AEBP2: variants seen among roughly 807,000 people sequenced by gnomAD.
AEBP2 encodes the protein AE binding protein 2.
AEBP2 carries 10 observed loss-of-function variants against 50.8 expected under a neutral mutation model. That is an observed-to-expected ratio of 0.20 (90% CI 0.12 to 0.33). The LOEUF is 0.33. Among genes scored for constraint, AEBP2 ranks in the 10% least tolerant of loss-of-function variants. The probability of loss-of-function intolerance (pLI) is 1.00; values close to 1 mark genes in which losing one functional copy is unlikely to be tolerated. For synonymous variants in AEBP2, 296 were observed against 261.3 expected (o/e 1.13, Z -1.28); for missense variants, 570 against 688.0 (o/e 0.83, Z 1.92).
At chr12:19,464,276 G>C (rs1171267180) in intron 2 of AEBP2, among the ~76,000 whole-genome samples, 1 of 152,116 alleles carries the variant, frequency 6.6e-6, no homozygotes, top group Non-Finnish European at 1.5e-5. Context: ...TGGTTTTCTG[G>C]CTTTTGTAGA....
intron 5 of AEBP2, among the ~76,000 whole-genome samples, chr12:19,501,797 G>GTTTTTTTTTTTTATTTTTTTTTTT (rs1949082800): frequency 1.4e-5 from 1 of 70,870 alleles, no homozygotes; most frequent in Non-Finnish European, 2.7e-5. Context: ...AAATGAGTTT[G>GTTTTTTTTTTTTATTTTTTTTTTT]TTTTTTTTTT....
At chr12:19,420,021 G>GTTTT (rs569003269) in intron 1 of AEBP2, among the ~76,000 whole-genome samples, 2 of 128,872 alleles carry the variant, frequency 1.6e-5, no homozygotes, top group African/African-American at 2.9e-5. Context: ...TGCATTAATA[G>GTTTT]TTTTTTTTTT....
intron 1 of AEBP2, among the ~76,000 whole-genome samples, chr12:19,430,257 G>A (rs7137073): frequency 6.6e-6 from 1 of 152,064 alleles, no homozygotes; most frequent in African/African-American, 2.4e-5. Flanking sequence ...TCTTGTTTTT[G>A]TCAGGTTTGT....
intron 3 of AEBP2, among the ~76,000 whole-genome samples, chr12:19,486,048 T>C (rs1432681903): frequency 3.3e-5 from 5 of 151,892 alleles, no homozygotes; most frequent in South Asian, 2.1e-4. Flanking sequence ...TTGTTTCTTA[T>C]GTTCGTATGC....
chr12:19,408,244 G>A (rs2095737393), intron 1 of AEBP2, among the ~76,000 whole-genome samples: 1 of 152,120 alleles, frequency 6.6e-6, no homozygotes. Flanking sequence ...AAACTGGGCA[G>A]TTGGGAGGCA....
chr12:19,439,186 T>C (rs549452092), upstream of AEBP2, among the ~76,000 whole-genome samples: 30 of 152,336 alleles, frequency 2.0e-4, no homozygotes, highest in African/African-American at 7.0e-4. Flanking sequence ...GCTCGTTCTA[T>C]TCCTGGCTCA....
intron 1 of AEBP2, among the ~76,000 whole-genome samples, chr12:19,429,804 C>T (rs568031314): frequency 5.3e-5 from 8 of 151,580 alleles, no homozygotes; most frequent in East Asian, 1.9e-4. Flanking sequence ...TCATATCCTT[C>T]GCCCACTTGT....
rs967735927 is a variant in AEBP2 at position 19,439,939 on chromosome 12, G to C, written c.240G>C (p.Glu80Asp). 2 of 1,516,340 alleles carry C rather than the reference G, an allele frequency of 1.3e-6. No individual in the cohort carries two copies. Among genetic ancestry groups the C allele is most frequent in the Non-Finnish European group, 1.8e-6 (2 of 1,139,226 alleles). 93.9% of individuals were successfully genotyped at this position (1,516,340 alleles called of 1,614,324 possible). Reference sequence around the variant, plus strand: ...GAGGAGTGGGGGGCGGCGAGGCAGAGACGATGTCGGAGCCGAGCCCCGAGA... The same window carrying C: ...GAGGAGTGGGGGGCGGCGAGGCAGACACGATGTCGGAGCCGAGCCCCGAGA... ...GGGGVGGGEA[E>D]TMSEPSPESA... Residue 80 changes from glutamate to aspartate, a missense_variant, in exon 1 of 8, where the codon GAG becomes GAC. Around this residue, in one of 2 missense-constraint regions of AEBP2, gnomAD observed 386 missense variants for 336.8 expected, o/e 1.15. Transcript: ENST00000266508.
chr12:19,478,318 C>T (rs181279347), intron 3 of AEBP2, among the ~76,000 whole-genome samples: 10 of 151,938 alleles, frequency 6.6e-5, no homozygotes, highest in African/African-American at 1.4e-4. Context: ...TTTTTTGAGA[C>T]AGAGTCTCAC....
intron 1 of AEBP2, among the ~76,000 whole-genome samples, chr12:19,449,179 A>G (rs563734793): frequency 6.6e-6 from 1 of 152,282 alleles, no homozygotes; most frequent in East Asian, 1.9e-4. Flanking sequence ...TTCCTTAGGA[A>G]AGATCTTTTT....
At chr12:19,458,792 T>C (rs1264375768) in intron 1 of AEBP2, among the ~76,000 whole-genome samples, 2 of 152,188 alleles carry the variant, frequency 1.3e-5, no homozygotes, top group African/African-American at 2.4e-5. Flanking sequence ...GCAGTATAGG[T>C]ACAGCATGGT....
At chr12:19,421,375 C>CA (rs1276617045) in intron 1 of AEBP2, among the ~76,000 whole-genome samples, 265 of 120,928 alleles carry the variant, frequency 2.2e-3, no homozygotes, top group Non-Finnish European at 2.7e-3. Flanking sequence ...AAGAAACAAA[C>CA]AAAAAAAAGA....
At chr12:19,445,571 T>C (rs1162695110) in intron 1 of AEBP2, among the ~76,000 whole-genome samples, 1 of 152,166 alleles carries the variant, frequency 6.6e-6, no homozygotes, top group Non-Finnish European at 1.5e-5. Flanking sequence ...ACAAAACCCT[T>C]ACCTCATGAG....
intron 3 of AEBP2, among the ~76,000 whole-genome samples, chr12:19,485,719 A>AAG (rs1175857065): frequency 1.3e-5 from 2 of 151,252 alleles, no homozygotes; most frequent in East Asian, 1.9e-4. Flanking sequence ...AAAAAAAAAA[A>AAG]AAAAAGAAAA....
Position 19,500,145 on chromosome 12 carries a change from A to G in AEBP2, c.1223A>G (p.His408Arg). The G allele has an allele frequency of 1.9e-6, 3 of 1,605,672 alleles. No individual in the cohort carries two copies. The highest frequency in any genetic ancestry group is 2.6e-6 in the Non-Finnish European group (3 of 1,175,928). Residue 408 changes from histidine (H) to arginine (R), a missense_variant, in exon 5 of 8, where the codon CAT (histidine) becomes CGT (arginine). Physicochemically the swap from His to Arg is conservative, Grantham distance 29 (BLOSUM62 0). Around this residue, in one of 2 missense-constraint regions of AEBP2, gnomAD observed 184 missense variants for 351.2 expected, o/e 0.52. Transcript: ENST00000266508. ...GCACAAACACTGGATGCGATAAGACATCGAGCCATATGCTTTAACCTCTCA... is the reference window on the plus strand; with the variant it reads ...GCACAAACACTGGATGCGATAAGACGTCGAGCCATATGCTTTAACCTCTCA... ...FDAQTLDAIR[H>R]RAICFNLSAH...
rs139955654 is a variant in AEBP2, at chr12:19,463,087, G to A, written c.879+370G>A. ...TAGAGGATCCTAAATTATTCCTGAC[G>A]CTTAAATTAACTGGGGAGACTATTG... On this transcript the variant is annotated intron_variant, in intron 2 of 7. Transcript: ENST00000266508. Among the ~76,000 whole-genome samples the A allele has an allele frequency of 8.3e-4, 127 of 152,148 alleles. 1 individual carries two copies. The highest frequency in any genetic ancestry group is 2.9e-3 in the African/African-American group (120 of 41,520).
chr12:19,473,378 T>TAAA (rs1948599744), intron 3 of AEBP2, 23 bp downstream of exon 3: 2 of 59,840 alleles, frequency 3.3e-5, no homozygotes, highest in African/African-American at 9.4e-5. Context: ...GTATATAAAA[T>TAAA]TTATTTATTT....
chr12:19,482,912 T>C (rs117673942), intron 3 of AEBP2, among the ~76,000 whole-genome samples: 3,272 of 152,216 alleles, frequency 0.021, 42 homozygotes, highest in East Asian at 0.043. Context: ...TCAGCTCCCA[T>C]GCAGTGGGTG....
chr12:19,500,026 T>C (rs1475677705), intron 4 of AEBP2, 71 bp from the exon 5 acceptor site: 2 of 1,357,872 alleles, frequency 1.5e-6, no homozygotes, highest in South Asian at 2.7e-5. Flanking sequence ...ATTTGTTAAT[T>C]GTTTCCATCT....
Sources: allele counts gnomAD v4.1 joint callset (sites outside exome capture counted in the v4.1 genomes callset), GRCh38; gene constraint gnomAD v4.1.1; regional missense constraint gnomAD v4.1.1; transcripts MANE v1.5; gene names NCBI Gene and HGNC (gene_info 2026-07-23, HGNC 2026-07-21).